Variants in TTN observed in about 807,000 individuals in gnomAD.
TTN encodes the protein connectin.
In TTN, 1,525 loss-of-function variants were observed where a neutral mutation model predicts 3,223.0. The ratio of observed to expected loss-of-function variants is 0.47; its 90% CI spans 0.45 to 0.49. TTN has a LOEUF of 0.49. Among genes scored for constraint, TTN ranks in the 20% least tolerant of loss-of-function variants. The pLI is 0.00. For synonymous variants in TTN, 14,094 were observed against 15,161.0 expected (o/e 0.93, Z 5.17); for missense variants, 40,786 against 43,424.0 (o/e 0.94, Z 5.40).
At chr2:178,542,166 T>C in intron 349 of TTN, 98 bp downstream of exon 349, 1 of 1,237,386 alleles carries the variant, frequency 8.1e-7, no homozygotes, top group Non-Finnish European at 1.1e-6. Flanking sequence ...TTTTGTGACC[T>C]ATTTTTATTT....
Position 178,538,771 on chromosome 2 carries a change from C to G in TTN, c.99058G>C (p.Glu33020Gln). The change falls in exon 354 of 363, where the codon GAG becomes CAG. Residue 33020 changes from glutamate (E) to glutamine (Q), a missense_variant. Glu to Gln is a conservative substitution (Grantham distance 29). Coordinates refer to ENST00000589042, the MANE Select transcript of TTN (RefSeq NM_001267550.2). ...TTACCACCATCACATTCAGGTTTCT[C>G]CCACTGTAGAGTGACACTATCTTTG... Reference protein sequence around the residue: ...ISKDSVTLQWEKPECDGGKEI... With the variant: ...ISKDSVTLQWQKPECDGGKEI... 1 of 1,613,716 alleles carries G rather than the reference C, an allele frequency of 6.2e-7. No homozygotes were observed. Among genetic ancestry groups the G allele is most frequent in the Non-Finnish European group, 8.5e-7 (1 of 1,179,714 alleles).
rs555011660 is a variant in TTN, at chr2:178,635,815, T to C, written c.41609-100A>G. On this transcript the variant is annotated intron_variant, in intron 226 of 362. Coordinates refer to ENST00000589042, the MANE Select transcript of TTN (RefSeq NM_001267550.2). ...AGGAATAGGAAAAATTTCACAATAC[T>C]GGGCATAATTAATCCACTGTAGGAT... 2.7e-4 allele frequency: 404 copies of C among 1,513,110 alleles called. 1 individual carries two copies. In the African/African-American group the frequency reaches 5.1e-3, roughly 19 times the overall value. The allele number at this position is 1,513,110 out of a possible 1,614,324, so 93.7% of individuals were successfully genotyped here. A position where few individuals can be genotyped will look rare whatever the true frequency, so the allele number is the denominator to read the frequency against.
Position 178,721,882 on chromosome 2 carries a change from C to T in TTN, c.22781G>A (p.Gly7594Asp). 1 of 1,612,522 alleles carries T rather than the reference C, an allele frequency of 6.2e-7. No homozygotes were observed. The highest frequency in any genetic ancestry group is 1.1e-5 in the South Asian group (1 of 90,800). The change falls in exon 78 of 363, where the codon GGC (glycine) becomes GAC (aspartate). Residue 7594 changes from glycine (G) to aspartate (D), a missense_variant. Gly to Asp is a moderately conservative substitution (Grantham distance 94, BLOSUM62 -1). Coordinates refer to ENST00000589042, the MANE Select transcript of TTN (RefSeq NM_001267550.2). ...QYTCQATNDVGKDMCSAQLSV... is the reference protein window; with the variant it reads ...QYTCQATNDVDKDMCSAQLSV... Reference sequence around the variant, plus strand: ...GAGCTGAGCTGAGCACATGTCTTTGCCAACATCATTGGTTGCTTGGCAAGT... The same window carrying T: ...GAGCTGAGCTGAGCACATGTCTTTGTCAACATCATTGGTTGCTTGGCAAGT...
At chr2:178,754,162 T>C (rs997693136) in intron 46 of TTN, among the ~76,000 whole-genome samples, 3 of 152,140 alleles carry the variant, frequency 2.0e-5, no homozygotes, top group Admixed American at 6.6e-5. Context: ...TTTATGTTTA[T>C]TATGCACATA....
intron 28 of TTN, 33 bp from the exon 29 acceptor site, chr2:178,775,235 G>A (rs1197827994): frequency 6.2e-7 from 1 of 1,613,140 alleles, no homozygotes; most frequent in Admixed American, 1.7e-5. Context: ...AAAGGGGAGA[G>A]CACATTATAT....
At chr2:178,670,353 C>A (rs1297722245) in intron 156 of TTN, 58 bp from the exon 157 acceptor site, 13 of 1,056,646 alleles carry the variant, frequency 1.2e-5, no homozygotes, top group South Asian at 4.7e-5. Flanking sequence ...TTTTAACAAG[C>A]AGAGCATGAG....
Position 178,546,894 on chromosome 2 carries a change from T to G in TTN, c.94534A>C (p.Arg31512=), listed in dbSNP as rs1247100769. The change falls in exon 341 of 363, where the codon AGA becomes CGA. Residue 31512 remains arginine, a synonymous_variant. Transcript: ENST00000589042. The part of the protein sequence containing the change: ...MAQNPVDAPG[R]PEVTDVTRST... The stretch of plus-strand genomic sequence containing the variant: ...CTTGTGACATCTGTCACCTCTGGTC[T>G]GCCTGGTGCATCTGGAAGGGATGCA... 6.3e-6 allele frequency: 10 copies of G among 1,585,630 alleles called. No individual in the cohort carries two copies. Among genetic ancestry groups the G allele is most frequent in the Non-Finnish European group, 8.6e-6 (10 of 1,163,174 alleles).
chr2:178,544,496 T>A lies in TTN; in HGVS notation c.95733A>T (p.Gly31911=). 1 of 1,593,248 alleles carries A rather than the reference T, an allele frequency of 6.3e-7. No individual in the cohort carries two copies. Among genetic ancestry groups the A allele is most frequent in the Non-Finnish European group, 8.6e-7 (1 of 1,164,946 alleles). ...ISCREPSYTP[G]PPSAPRVVDT... ...CCACAACTCTTGGAGCAGAAGGTGG[T>A]CCAGGGGTATCTGTGGAATTTAAAA... is the stretch of plus-strand genomic sequence containing the variant. Residue 31911 remains glycine (G), a synonymous_variant, in exon 345 of 363, where the codon GGA becomes GGT. Coordinates refer to ENST00000589042, the MANE Select transcript of TTN (RefSeq NM_001267550.2).
chr2:178,646,147 T>TATATATATATATA (rs2061962386), intron 216 of TTN, 117 bp from the exon 217 acceptor site: 8 of 163,470 alleles, frequency 4.9e-5, no homozygotes, highest in East Asian at 1.3e-4. Context: ...TATATATATA[T>TATATATATATATA]GAAGTACAAA....
At position 178,726,317 on chromosome 2, in the gene TTN, T is replaced by A. The variant is rs555005417; in HGVS notation, c.20276-271A>T. The A allele has an allele frequency of 1.9e-3, 563 of 295,276 alleles. 3 individuals are homozygous for A. Among genetic ancestry groups the A allele is most frequent in the African/African-American group, 0.011 (533 of 46,436 alleles). The allele number at this position is 295,276 out of a possible 1,614,324, so 18.3% of individuals were successfully genotyped here. On this transcript the variant is annotated intron_variant, in intron 69 of 362. Transcript: ENST00000589042. ...TACACCTTACTGATGTATCTTAGGC[T>A]ACAAAGATTGATACAAAAATTGCAA...
chr2:178,579,579 C>A lies in TTN; in HGVS notation c.67618G>T (p.Val22540Leu). ...GEGTPSEITV[V>L]ARDDVVAPDL... ...GCCTTACCAACATCATCCCTTGCCA[C>A]AACAGTGATTTCGCTTGGGGTTCCT... The change falls in exon 319 of 363, where the codon GTG becomes TTG. Residue 22540 changes from valine (V) to leucine (L), a missense_variant. Val to Leu is a conservative substitution (Grantham distance 32). Transcript: ENST00000589042. 1 of 1,613,242 alleles carries A rather than the reference C, an allele frequency of 6.2e-7. No individual in the cohort carries two copies. Among genetic ancestry groups the A allele is most frequent in the Non-Finnish European group, 8.5e-7 (1 of 1,179,476 alleles).
chr2:178,527,980 A>G (rs1374067067), intron 361 of TTN: 5 of 538,976 alleles, frequency 9.3e-6, no homozygotes, highest in Non-Finnish European at 1.6e-5. Context: ...TGCAGGTGCT[A>G]GGAATCACTA....
At chr2:178,805,068 C>T (rs771236904) in intron 1 of TTN, among the ~76,000 whole-genome samples, 1 of 152,054 alleles carries the variant, frequency 6.6e-6, no homozygotes, top group Admixed American at 6.5e-5. Flanking sequence ...CTGGGCCTGG[C>T]GTGGTGGCTC....
chr2:178,617,139 G>A lies in TTN; in HGVS notation c.47856C>T (p.Leu15952=), dbSNP rs1362019752. The change falls in exon 255 of 363, where the codon CTC becomes CTT. Residue 15952 remains leucine (L), a synonymous_variant. Coordinates refer to ENST00000589042, the MANE Select transcript of TTN (RefSeq NM_001267550.2). The part of the protein sequence containing the change: ...VSDPSEILGP[L]TADDAFVEPT... ...ATTTACCAAATGCATCGTCAGCGGTGAGAGGACCAAGAATTTCAGATGGAT... is the reference window on the plus strand; with the variant it reads ...ATTTACCAAATGCATCGTCAGCGGTAAGAGGACCAAGAATTTCAGATGGAT... 1.9e-6 allele frequency: 3 copies of A among 1,609,172 alleles called. No individual in the cohort carries two copies. In the East Asian group the frequency reaches 6.8e-5, roughly 36 times the overall value.
Position 178,670,211 on chromosome 2 carries a change from C to A in TTN, c.35386+7G>T. 3 of 1,436,682 alleles carry A rather than the reference C, an allele frequency of 2.1e-6. No homozygotes were observed. Among genetic ancestry groups the A allele is most frequent in the South Asian group, 3.6e-5 (2 of 54,804 alleles). 89.0% of individuals were successfully genotyped at this position (1,436,682 alleles called of 1,614,324 possible). A position where few individuals can be genotyped will look rare whatever the true frequency, so the allele number is the denominator to read the frequency against. ...TATATTAATGATGAATGAGAAAAGC[C>A]AGTTACCTTTAGTTGGTGGAACTCT... On this transcript the variant is annotated splice_region_variant and intron_variant, in intron 157 of 362. Coordinates refer to ENST00000589042, the MANE Select transcript of TTN (RefSeq NM_001267550.2).
chr2:178,795,171 T>G lies in TTN; in HGVS notation c.996A>C (p.Ala332=), dbSNP rs750838855. ...CTTCAGGACCTGTGGCCACGGTGGA[T>G]GCCTGAGTCTTACGCATGAGCAATG... ...RSPLLMRKTQ[A]STVATGPEVP... The change falls in exon 7 of 363, where the codon GCA becomes GCC. Residue 332 remains alanine (A), a synonymous_variant. Transcript: ENST00000589042. 13 of 1,614,170 alleles carry G rather than the reference T, an allele frequency of 8.1e-6. No individual in the cohort carries two copies. The highest frequency in any genetic ancestry group is 1.1e-5 in the Non-Finnish European group (13 of 1,180,020).
chr2:178,601,548 G>C lies in TTN; in HGVS notation c.55449C>G (p.Pro18483=), dbSNP rs187366691. The C allele has an allele frequency of 6.2e-7, 1 of 1,611,550 alleles. No individual in the cohort carries two copies. Among genetic ancestry groups the C allele is most frequent in the African/African-American group, 1.3e-5 (1 of 74,910 alleles). The change falls in exon 287 of 363, where the codon CCC becomes CCG. Residue 18483 remains proline (P), a synonymous_variant. Coordinates refer to ENST00000589042, the MANE Select transcript of TTN (RefSeq NM_001267550.2). The part of the protein sequence containing the change: ...RVKVMDVPGP[P]KDLKVSDITR... Reference sequence around the variant, plus strand: ...TGATATCACTGACTTTCAGATCTTTGGGTGGGCCTGGTACATCTGTTGGAT... The same window carrying C: ...TGATATCACTGACTTTCAGATCTTTCGGTGGGCCTGGTACATCTGTTGGAT...
rs1335705151 is a variant in TTN at position 178,713,393 on chromosome 2, CAAAACAAAACAAAACAAAA to C, written c.26762-40_26762-22del. 7 of 1,466,544 alleles carry C rather than the reference CAAAACAAAACAAAACAAAA, an allele frequency of 4.8e-6. No individual in the cohort carries two copies. In the South Asian group the frequency reaches 1.0e-4, roughly 21 times the overall value. 90.8% of individuals were successfully genotyped at this position (1,466,544 alleles called of 1,614,324 possible). A position where few individuals can be genotyped will look rare whatever the true frequency, so the allele number is the denominator to read the frequency against. On this transcript the variant is annotated intron_variant, in intron 92 of 362. Transcript: ENST00000589042. Reference sequence around the variant, plus strand: ...TCGGTCTGAATGATACAAAACAAAACAAAACAAAACAAAACAAAAAAAACAAAGGACAACAATTATAAAA... The same window carrying C: ...TCGGTCTGAATGATACAAAACAAAACAAAACAAAGGACAACAATTATAAAA...
chr2:178,535,951 C>G, intron 357 of TTN, 31 bp downstream of exon 357: 1 of 1,520,706 alleles, frequency 6.6e-7, no homozygotes, highest in Non-Finnish European at 8.8e-7. Flanking sequence ...CTCATTTAGC[C>G]TCAACTTGAT....
Sources: gnomAD v4.1 joint callset for allele counts (sites outside exome capture counted in the v4.1 genomes callset) on GRCh38, gnomAD v4.1.1 for gene constraint, MANE v1.5 for transcripts, NCBI Gene and HGNC (gene_info 2026-07-23, HGNC 2026-07-21) for gene names.